HSPA12A: variants seen among roughly 807,000 people sequenced by gnomAD.
HSPA12A encodes the protein heat shock protein family A (Hsp70) member 12A.
Under a neutral mutation model 69.2 loss-of-function variants are expected in HSPA12A, and 28 were observed. The ratio of observed to expected loss-of-function variants is 0.40; its 90% confidence interval spans 0.30 to 0.55. The LOEUF (loss-of-function observed/expected upper bound fraction) is 0.55, where lower values mean the gene tolerates loss of function less well. Ranked by LOEUF, HSPA12A falls within the 20% of genes least tolerant of loss-of-function variation. The pLI, the probability that HSPA12A is intolerant of heterozygous loss-of-function variation, is 0.38. For synonymous variants in HSPA12A, 345 were observed against 370.5 expected, an observed-to-expected ratio of 0.93 and a Z score of 0.79; for missense variants, 686 against 900.7, an observed-to-expected ratio of 0.76 and a Z score of 3.05.
chr10:116,839,909 C>T (rs7087101), intron 1 of HSPA12A, among the ~76,000 whole-genome samples: 6,246 of 150,412 alleles, frequency 0.042, 416 homozygotes, highest in African/African-American at 0.14. Flanking sequence ...AAGGTTAGTG[C>T]CTTTTTTTTT....
upstream of HSPA12A, chr10:116,849,777 C>T (rs1846006959): frequency 2.7e-6 from 4 of 1,466,878 alleles, no homozygotes; most frequent in Non-Finnish European, 3.6e-6. Context: ...CCCCTCTCCC[C>T]CCGCCCCGCG....
chr10:116,804,319 A>C (rs1186863706), intron 2 of HSPA12A, among the ~76,000 whole-genome samples: 1 of 152,204 alleles, frequency 6.6e-6, no homozygotes, highest in Non-Finnish European at 1.5e-5. Flanking sequence ...AGGGGAACTG[A>C]GGCTGGGTCC....
intron 2 of HSPA12A, chr10:116,829,367 G>A (rs1269789567): frequency 2.6e-5 from 4 of 152,838 alleles, no homozygotes; most frequent in Non-Finnish European, 5.8e-5. Flanking sequence ...CCAGTCTTTT[G>A]TATGTCTTTA....
chr10:116,845,493 T>C (rs972348452), intron 1 of HSPA12A, among the ~76,000 whole-genome samples: 4 of 152,130 alleles, frequency 2.6e-5, no homozygotes, highest in Admixed American at 1.3e-4. Flanking sequence ...ATGTTAACAA[T>C]CATGACTAGA....
intron 2 of HSPA12A, among the ~76,000 whole-genome samples, chr10:116,822,490 T>C (rs1845424090): frequency 1.3e-5 from 2 of 152,210 alleles, no homozygotes; most frequent in African/African-American, 4.8e-5. Context: ...CCTTCCTTGA[T>C]AGGATTAAGA....
chr10:116,737,863 A>G (rs1389578930), intron 1 of HSPA12A, among the ~76,000 whole-genome samples: 2 of 152,206 alleles, frequency 1.3e-5, no homozygotes, highest in African/African-American at 2.4e-5. Flanking sequence ...AGCAAGGATC[A>G]GCAGGGCCCG....
chr10:116,694,166 G>A (rs1208509607), intron 5 of HSPA12A, among the ~76,000 whole-genome samples: 2 of 152,328 alleles, frequency 1.3e-5, no homozygotes, highest in South Asian at 2.1e-4. Context: ...GAAGGGAAAG[G>A]CGCCAGCATT....
Position 116,701,067 on chromosome 10 carries a change from G to C in HSPA12A, c.317C>G (p.Thr106Ser). 1 of 1,614,202 alleles carries C rather than the reference G, an allele frequency of 6.2e-7. No homozygotes were observed. The highest frequency in any genetic ancestry group is 8.5e-7 in the Non-Finnish European group (1 of 1,180,046). Residue 106 changes from threonine to serine, a missense_variant, in exon 4 of 12, where the codon ACT becomes AGT. Transcript: ENST00000369209. ...NQKTPTTILL[T>S]PERKFHSFGY... Reference sequence around the variant, plus strand: ...GAAGCTGTGGAACTTCCTCTCGGGAGTCAGCAAGATGGTGGTTGGAGTCTT... The same window carrying C: ...GAAGCTGTGGAACTTCCTCTCGGGACTCAGCAAGATGGTGGTTGGAGTCTT...
intron 6 of HSPA12A, among the ~76,000 whole-genome samples, chr10:116,688,308 G>A (rs1335535030): frequency 6.6e-6 from 1 of 152,186 alleles, no homozygotes; most frequent in Non-Finnish European, 1.5e-5. Flanking sequence ...GACATGACCT[G>A]GGGATTCTAC....
intron 9 of HSPA12A, among the ~76,000 whole-genome samples, chr10:116,680,410 G>A (rs1554878405): frequency 6.6e-6 from 1 of 152,192 alleles, no homozygotes; most frequent in East Asian, 1.9e-4. Context: ...AGCAGGCCTG[G>A]TCTAGTCCCT....
intron 2 of HSPA12A, among the ~76,000 whole-genome samples, chr10:116,770,015 C>T (rs529596438): frequency 2.6e-5 from 4 of 152,304 alleles, no homozygotes; most frequent in African/African-American, 9.6e-5. Context: ...GTCATTTGGG[C>T]CATTCCTCTG....
At chr10:116,731,372 A>G (rs1024057401) in intron 1 of HSPA12A, among the ~76,000 whole-genome samples, 1 of 152,078 alleles carries the variant, frequency 6.6e-6, no homozygotes, top group African/African-American at 2.4e-5. Context: ...TGAATGATGC[A>G]CCCCTTCTGC....
rs1341598600 is a variant in HSPA12A at position 116,674,722 on chromosome 10, T to C, written c.*59A>G. 14 of 1,523,654 alleles carry C rather than the reference T, an allele frequency of 9.2e-6. No individual in the cohort carries two copies. The highest frequency in any genetic ancestry group is 1.2e-5 in the Non-Finnish European group (13 of 1,124,472). The allele number at this position is 1,523,654 out of a possible 1,614,324, so 94.4% of individuals were successfully genotyped here. A position where few individuals can be genotyped will look rare whatever the true frequency, so the allele number is the denominator to read the frequency against. On this transcript the variant is annotated 3_prime_UTR_variant, in exon 12 of 12. Transcript: ENST00000369209. ...AAGGTTAGGGAAAGAACAGTCAAGG[T>C]TGAGGTCAGCAGATGCAGATAAGTT...
intron 2 of HSPA12A, among the ~76,000 whole-genome samples, chr10:116,810,988 T>C (rs1845167603): frequency 6.6e-6 from 1 of 152,102 alleles, no homozygotes; most frequent in Non-Finnish European, 1.5e-5. Flanking sequence ...AAAACAAAGA[T>C]AATCACCGGC....
At chr10:116,683,216 G>A (rs1849472419) in intron 7 of HSPA12A, among the ~76,000 whole-genome samples, 1 of 151,998 alleles carries the variant, frequency 6.6e-6, no homozygotes, top group Admixed American at 6.6e-5. Context: ...CTGTGACCAA[G>A]GCTATGACCT....
Position 116,734,997 on chromosome 10 carries a change from GA to G in HSPA12A, c.40+7432del, listed in dbSNP as rs578138998. Among the ~76,000 whole-genome samples the G allele has an allele frequency of 4.7e-3, 715 of 151,660 alleles. 5 individuals are homozygous for G. Among genetic ancestry groups the G allele is most frequent in the African/African-American group, 0.017 (691 of 41,388 alleles). ...ACAGAGCGAGACTCCGTCTCGAAAA[GA>G]AAAAAAAGAAAAAAGTTCATCCTGA... On this transcript the variant is annotated intron_variant, in intron 1 of 11. Coordinates refer to ENST00000369209, the MANE Select transcript of HSPA12A (RefSeq NM_025015.3).
chr10:116,830,249 T>C (rs1326002176), intron 2 of HSPA12A: 1 of 152,224 alleles, frequency 6.6e-6, no homozygotes, highest in African/African-American at 2.4e-5. Flanking sequence ...TAGGCCAAGA[T>C]ACATGCTGTC....
chr10:116,742,449 G>A lies in HSPA12A; in HGVS notation c.21C>T (p.Gly7=). ...GCTCACCTCGGGGCCCGTCGCTGCC[G>A]CCGGCCTCCTTGTCCGCCATGGTCG... The part of the protein sequence containing the change: MADKEA[G]GSDGPRETAP... Residue 7 remains glycine, a synonymous_variant, in exon 1 of 12, where the codon GGC becomes GGT. Coordinates refer to ENST00000369209, the MANE Select transcript of HSPA12A (RefSeq NM_025015.3). 7.1e-7 allele frequency: 1 copy of A among 1,405,584 alleles called. No homozygotes were observed. Among genetic ancestry groups the A allele is most frequent in the South Asian group, 1.4e-5 (1 of 70,736 alleles). 87.1% of individuals were successfully genotyped at this position (1,405,584 alleles called of 1,614,324 possible). A position where few individuals can be genotyped will look rare whatever the true frequency, so the allele number is the denominator to read the frequency against.
At chr10:116,763,291 G>T (rs1392286537) in intron 2 of HSPA12A, among the ~76,000 whole-genome samples, 9 of 152,192 alleles carry the variant, frequency 5.9e-5, no homozygotes, top group Admixed American at 5.9e-4. Context: ...TATGGGCTAG[G>T]AGAAGCCAAA....
Sources: gnomAD v4.1 joint callset for allele counts (sites outside exome capture counted in the v4.1 genomes callset) on GRCh38, gnomAD v4.1.1 for gene constraint, MANE v1.5 for transcripts, NCBI Gene and HGNC (gene_info 2026-07-23, HGNC 2026-07-21) for gene names.